Variants in UTP4 observed in about 807,000 individuals in gnomAD.
The protein encoded by UTP4 is U3 small nucleolar RNA-associated protein 4 homolog.
UTP4 carries 45 observed loss-of-function variants against 82.4 expected under a neutral mutation model. That is an observed-to-expected ratio of 0.55 (90% CI 0.43 to 0.70). The LOEUF is 0.70. Among genes scored for constraint, UTP4 ranks in the 30% least tolerant of loss-of-function variants. The probability of loss-of-function intolerance (pLI) is 0.00; values close to 1 mark genes in which losing one functional copy is unlikely to be tolerated. For missense variants in UTP4, 819 were observed against 858.3 expected (o/e 0.95, Z 0.57); for synonymous variants, 348 against 300.3 (o/e 1.16, Z -1.64).
chr16:69,138,202 A>G lies in UTP4; in HGVS notation c.436+317A>G, dbSNP rs142106161. On this transcript the variant is annotated intron_variant, in intron 4 of 16. Transcript: ENST00000314423. The stretch of plus-strand genomic sequence containing the variant: ...AGCGTACATGAAGTCTTGAACTACA[A>G]TTTTGTCATTAGGAACTATGGTTCT... Among the ~76,000 whole-genome samples, 143 of 150,046 alleles carry G rather than the reference A, an allele frequency of 9.5e-4. 2 individuals are homozygous for G. Among genetic ancestry groups the G allele is most frequent in the Middle Eastern group, 3.5e-3 (1 of 284 alleles).
Position 69,137,898 on chromosome 16 carries a change from T to G in UTP4, c.436+13T>G, listed in dbSNP as rs1407199153. The G allele has an allele frequency of 6.5e-7, 1 of 1,526,912 alleles. No individual in the cohort carries two copies. The highest frequency in any genetic ancestry group is 9.1e-7 in the Non-Finnish European group (1 of 1,100,530). 94.6% of individuals were successfully genotyped at this position (1,526,912 alleles called of 1,614,324 possible). On this transcript the variant is annotated intron_variant, in intron 4 of 16. Coordinates refer to ENST00000314423, the MANE Select transcript of UTP4 (RefSeq NM_032830.3). The stretch of plus-strand genomic sequence containing the variant: ...GATCGGCAGAAAAGTAAGCGTCATT[T>G]TTCATGGGGCGGTAAATAGCCTTAA...
intron 5 of UTP4, chr16:69,142,231 C>T (rs1292738972): frequency 6.6e-6 from 1 of 152,180 alleles, no homozygotes; most frequent in Non-Finnish European, 1.5e-5. Context: ...GCCCTGAAGC[C>T]AGAATCTTCA....
rs1416431354 is a variant in UTP4, at chr16:69,155,944, T to G, written c.1238T>G (p.Phe413Cys). 3.7e-6 allele frequency: 6 copies of G among 1,614,080 alleles called. No individual in the cohort carries two copies. The change falls in exon 11 of 17, where the codon TTT becomes TGT. Residue 413 changes from phenylalanine (F) to cysteine (C), a missense_variant. By Grantham distance (205) the Phe-to-Cys change is radical. Coordinates refer to ENST00000314423, the MANE Select transcript of UTP4 (RefSeq NM_032830.3). ...SWIAYSTVSR[F>C]FLYRLNYEHD... ...ATAGCCTATTCTACAGTTTCTCGGTTTTTTCTCTATCGGCTGAATTATGAA... is the reference window on the plus strand; with the variant it reads ...ATAGCCTATTCTACAGTTTCTCGGTGTTTTCTCTATCGGCTGAATTATGAA...
chr16:69,168,674 G>A (rs1963763887), intron 16 of UTP4, 147 bp from the exon 17 acceptor site: 7 of 721,166 alleles, frequency 9.7e-6, no homozygotes, highest in Admixed American at 2.1e-5. Flanking sequence ...TGAGTCCCAG[G>A]GCAGGAAAGA....
Position 69,160,466 on chromosome 16 carries a change from A to G in UTP4, c.1551+4A>G, listed in dbSNP as rs750141398. The G allele has an allele frequency of 1.9e-6, 3 of 1,608,712 alleles. No individual in the cohort carries two copies. The highest frequency in any genetic ancestry group is 1.7e-5 in the Admixed American group (1 of 60,020). On this transcript the variant is annotated splice_donor_region_variant and intron_variant, in intron 13 of 16. Transcript: ENST00000314423. ...CTACAACGTAAAACAGCTAAAGGTG[A>G]GCATAGGGTTTCATGGCAGCAGTTT...
Position 69,155,914 on chromosome 16 carries a change from G to A in UTP4, c.1208G>A (p.Ser403Asn). The change falls in exon 11 of 17, where the codon AGT becomes AAT. Residue 403 changes from serine to asparagine, a missense_variant. Ser to Asn is a conservative substitution (Grantham distance 46). Coordinates refer to ENST00000314423, the MANE Select transcript of UTP4 (RefSeq NM_032830.3). ...IICSCISPCG[S>N]WIAYSTVSRF... ...TGTAGCTGTATCTCCCCATGTGGAA[G>A]TTGGATAGCCTATTCTACAGTTTCT... 1 of 1,613,972 alleles carries A rather than the reference G, an allele frequency of 6.2e-7. No homozygotes were observed. The highest frequency in any genetic ancestry group is 2.2e-5 in the East Asian group (1 of 44,878).
At chr16:69,152,107 C>T (rs1404066104) in intron 8 of UTP4, among the ~76,000 whole-genome samples, 1 of 151,138 alleles carries the variant, frequency 6.6e-6, no homozygotes, top group South Asian at 2.1e-4. Flanking sequence ...TGAGGTTGAA[C>T]ATAGTCCTCA....
intron 11 of UTP4, among the ~76,000 whole-genome samples, chr16:69,156,545 G>A (rs957809361): frequency 2.0e-5 from 3 of 150,576 alleles, no homozygotes; most frequent in Non-Finnish European, 4.4e-5. Flanking sequence ...CGCAATCTCT[G>A]CCTCTCGGGT....
At chr16:69,154,317 A>G in intron 9 of UTP4, 76 bp from the exon 10 acceptor site, 4 of 1,168,074 alleles carry the variant, frequency 3.4e-6, no homozygotes, top group Non-Finnish European at 5.1e-6. Context: ...TTTTCCAAGG[A>G]GTAACTTTTT....
intron 6 of UTP4, among the ~76,000 whole-genome samples, chr16:69,144,918 G>T (rs1597138518): frequency 6.6e-6 from 1 of 152,272 alleles, no homozygotes; most frequent in East Asian, 1.9e-4. Context: ...AAGGCGGACG[G>T]ATCACCTGAG....
At chr16:69,140,270 G>A (rs1391169200) in intron 5 of UTP4, among the ~76,000 whole-genome samples, 1 of 152,154 alleles carries the variant, frequency 6.6e-6, no homozygotes, top group African/African-American at 2.4e-5. Flanking sequence ...GATTTTTGTA[G>A]CATAATTGGT....
chr16:69,133,692 T>C, intron 2 of UTP4, 74 bp downstream of exon 2: 2 of 1,496,598 alleles, frequency 1.3e-6, no homozygotes, highest in Non-Finnish European at 1.9e-6. Flanking sequence ...TGTATGTCTT[T>C]TATAATCAAA....
chr16:69,159,730 G>A (rs1452698340), intron 12 of UTP4, among the ~76,000 whole-genome samples: 2 of 151,536 alleles, frequency 1.3e-5, no homozygotes, highest in African/African-American at 4.9e-5. Flanking sequence ...GCTCACGCCT[G>A]TAATCCCAGC....
chr16:69,151,519 A>G (rs1390875644), intron 8 of UTP4, among the ~76,000 whole-genome samples: 1 of 150,666 alleles, frequency 6.6e-6, no homozygotes, highest in Non-Finnish European at 1.5e-5. Flanking sequence ...GTGGGGTTTC[A>G]CTGTGTTAAC....
At position 69,136,718 on chromosome 16, in the gene UTP4, G is replaced by C. The variant is rs779665634; in HGVS notation, c.182G>C (p.Arg61Pro). Reference protein sequence around the residue: ...QEKFFPGHESRATEALCWAEG... With the variant: ...QEKFFPGHESPATEALCWAEG... ...CAGTTTTTCCCAGGTCATGAGTCTC[G>C]GGCTACAGAAGCTTTGTGCTGGGCA... Residue 61 changes from arginine (R) to proline (P), a missense_variant, in exon 3 of 17, where the codon CGG becomes CCG. Physicochemically the swap from Arg to Pro is moderately radical, Grantham distance 103. Transcript: ENST00000314423. 6.2e-7 allele frequency: 1 copy of C among 1,613,980 alleles called. No homozygotes were observed. Among genetic ancestry groups the C allele is most frequent in the South Asian group, 1.1e-5 (1 of 91,070 alleles).
chr16:69,169,008 C>A lies in UTP4; in HGVS notation c.*71C>A, dbSNP rs1963774439. 3.2e-6 allele frequency: 3 copies of A among 941,198 alleles called. No homozygotes were observed. Among genetic ancestry groups the A allele is most frequent in the African/African-American group, 1.6e-5 (1 of 62,156 alleles). 58.3% of individuals were successfully genotyped at this position (941,198 alleles called of 1,614,324 possible). A position where few individuals can be genotyped will look rare whatever the true frequency, so the allele number is the denominator to read the frequency against. On this transcript the variant is annotated 3_prime_UTR_variant, in exon 17 of 17. Coordinates refer to ENST00000314423, the MANE Select transcript of UTP4 (RefSeq NM_032830.3). ...CTTTTCACAAATCATGGTAATAAAACAAGTTATTCTTGAGGACTAGTCATT... is the reference window on the plus strand; with the variant it reads ...CTTTTCACAAATCATGGTAATAAAAAAAGTTATTCTTGAGGACTAGTCATT...
chr16:69,139,724 G>T, intron 4 of UTP4, 101 bp from the exon 5 acceptor site: 1 of 778,856 alleles, frequency 1.3e-6, no homozygotes. Flanking sequence ...AGAGAGCTAA[G>T]ATTGTAGAAC....
Position 69,153,672 on chromosome 16 carries a change from T to C in UTP4, c.1091T>C (p.Val364Ala). 6.2e-7 allele frequency: 1 copy of C among 1,610,564 alleles called. No individual in the cohort carries two copies. The highest frequency in any genetic ancestry group is 1.1e-5 in the South Asian group (1 of 90,570). ...GAACTTTGGCGACTGGGATCCACAG[T>C]TGCAACAGGTAAGATGGGAGCACGT... ...HLELWRLGST[V>A]ATGKNGDTLP... The change falls in exon 9 of 17, where the codon GTT becomes GCT. Residue 364 changes from valine (V) to alanine (A), a missense_variant. By Grantham distance (64) the Val-to-Ala change is moderately conservative. Coordinates refer to ENST00000314423, the MANE Select transcript of UTP4 (RefSeq NM_032830.3).
At chr16:69,153,744 C>A in intron 9 of UTP4, 64 bp downstream of exon 9, 1 of 1,122,450 alleles carries the variant, frequency 8.9e-7, no homozygotes, top group Non-Finnish European at 1.3e-6. Flanking sequence ...ATCAGAATTG[C>A]GGTTGGAATT....
Sources: allele counts gnomAD v4.1 joint callset (sites outside exome capture counted in the v4.1 genomes callset), GRCh38; gene constraint gnomAD v4.1.1; transcripts MANE v1.5; gene names NCBI Gene and HGNC (gene_info 2026-07-23, HGNC 2026-07-21).